The following GUCY1A2 variants were observed in gnomAD, a reference collection of about 807,000 sequenced individuals.
GUCY1A2 encodes guanylate cyclase 1 soluble subunit alpha 2.
In GUCY1A2, 27 loss-of-function variants were observed where a neutral mutation model predicts 63.5. That is an observed-to-expected ratio of 0.43 (90% CI 0.31 to 0.59). GUCY1A2 has a LOEUF of 0.59. GUCY1A2 is among the 20% of genes least tolerant of loss of function. GUCY1A2 has a pLI of 0.11. For synonymous variants in GUCY1A2, 364 were observed against 343.5 expected (o/e 1.06, Z -0.66); for missense variants, 768 against 913.3 (o/e 0.84, Z 2.05).
In GUCY1A2 at chr11:106,674,345, G is replaced by A. The variant is rs989736813; in HGVS notation, c.*13204C>T. The A allele has an allele frequency of 2.2e-5, 4 of 179,260 alleles. No homozygotes were observed. The highest frequency in any genetic ancestry group is 4.8e-5 in the Non-Finnish European group (4 of 83,694). The allele number at this position is 179,260 out of a possible 1,614,324, so 11.1% of individuals were successfully genotyped here. Reference sequence around the variant, plus strand: ...TTACATGAAAATCAAAGAAGATATTGTGGATATTTATAATCTTATATGAGT... The same window carrying A: ...TTACATGAAAATCAAAGAAGATATTATGGATATTTATAATCTTATATGAGT... On this transcript the variant is annotated 3_prime_UTR_variant, in exon 8 of 8. Transcript: ENST00000526355.
In GUCY1A2 at chr11:106,939,836, C is replaced by T; in HGVS notation, c.830G>A (p.Cys277Tyr). The stretch of plus-strand genomic sequence containing the variant: ...ATTGCCTGGGTTTGAAACATCAGAG[C>T]ATAGCTTCTCATTTGCAACCTGTTC... ...EVEQVANEKL[C>Y]SDVSNPGNCS... Residue 277 changes from cysteine to tyrosine, a missense_variant, in exon 4 of 8, where the codon TGC becomes TAC. Transcript: ENST00000526355. 1 of 1,613,804 alleles carries T rather than the reference C, an allele frequency of 6.2e-7. No individual in the cohort carries two copies. Among genetic ancestry groups the T allele is most frequent in the Non-Finnish European group, 8.5e-7 (1 of 1,179,676 alleles).
At chr11:106,905,801 C>T (rs148891760) in intron 4 of GUCY1A2, among the ~76,000 whole-genome samples, 1 of 152,148 alleles carries the variant, frequency 6.6e-6, no homozygotes, top group African/African-American at 2.4e-5. Context: ...TAATGCAGCT[C>T]ATGCTTTTCA....
intron 6 of GUCY1A2, among the ~76,000 whole-genome samples, chr11:106,753,399 TTG>T (rs1863917318): frequency 1.3e-5 from 2 of 152,216 alleles, no homozygotes; most frequent in South Asian, 4.1e-4. Flanking sequence ...ATTTTGGCTT[TTG>T]TTGCCATTGC....
intron 4 of GUCY1A2, among the ~76,000 whole-genome samples, chr11:106,869,491 A>G (rs558272632): frequency 6.6e-6 from 1 of 152,378 alleles, no homozygotes; most frequent in East Asian, 1.9e-4. Context: ...TATGCAGCCA[A>G]CAGACACATG....
intron 3 of GUCY1A2, among the ~76,000 whole-genome samples, chr11:106,965,077 TG>T (rs1257794856): frequency 1.3e-5 from 2 of 151,242 alleles, no homozygotes; most frequent in African/African-American, 4.9e-5. Context: ...CACAGGGTGT[TG>T]TTTTTTTTTT....
intron 4 of GUCY1A2, among the ~76,000 whole-genome samples, chr11:106,890,527 G>A (rs1859959558): frequency 6.6e-6 from 1 of 152,100 alleles, no homozygotes; most frequent in South Asian, 2.1e-4. Context: ...TCACTATTTG[G>A]GAAATTCACG....
chr11:106,706,353 CTGTT>C (rs142888833), intron 7 of GUCY1A2, among the ~76,000 whole-genome samples: 2,286 of 152,106 alleles, frequency 0.015, 56 homozygotes, highest in African/African-American at 0.051. Flanking sequence ...ATCTATGGCT[CTGTT>C]TGATTTTGGG....
chr11:106,885,241 A>G (rs544055312), intron 4 of GUCY1A2, among the ~76,000 whole-genome samples: 40 of 152,320 alleles, frequency 2.6e-4, no homozygotes, highest in Non-Finnish European at 5.0e-4. Flanking sequence ...ATTATTTTGT[A>G]CAATGAATGT....
At chr11:106,803,123 T>G (rs1380349653) in intron 5 of GUCY1A2, among the ~76,000 whole-genome samples, 1 of 152,136 alleles carries the variant, frequency 6.6e-6, no homozygotes, top group Non-Finnish European at 1.5e-5. Flanking sequence ...CTAAAAGAAA[T>G]GTTCTCTGAA....
chr11:106,801,506 C>A (rs1364096337), intron 5 of GUCY1A2, among the ~76,000 whole-genome samples: 1 of 152,092 alleles, frequency 6.6e-6, no homozygotes, highest in Non-Finnish European at 1.5e-5. Flanking sequence ...TGTCCTGATT[C>A]TCCATCTAGG....
chr11:106,687,492 G>T lies in GUCY1A2; in HGVS notation c.*57C>A. The stretch of plus-strand genomic sequence containing the variant: ...ACACAATCTCTTTCCACCCCCCATT[G>T]GTGACCCATGTTCTGGGCTTGTGCT... On this transcript the variant is annotated 3_prime_UTR_variant, in exon 8 of 8. Coordinates refer to ENST00000526355, the MANE Select transcript of GUCY1A2 (RefSeq NM_000855.3). 1 of 1,258,072 alleles carries T rather than the reference G, an allele frequency of 7.9e-7. No homozygotes were observed. The highest frequency in any genetic ancestry group is 1.2e-5 in the South Asian group (1 of 83,094). 77.9% of individuals were successfully genotyped at this position (1,258,072 alleles called of 1,614,324 possible). A position where few individuals can be genotyped will look rare whatever the true frequency, so the allele number is the denominator to read the frequency against.
intron 3 of GUCY1A2, among the ~76,000 whole-genome samples, chr11:106,952,301 AG>A (rs1860920745): frequency 6.6e-6 from 1 of 152,184 alleles, no homozygotes; most frequent in African/African-American, 2.4e-5. Context: ...TGATGTGAAT[AG>A]CATTGAATCT....
chr11:106,707,259 A>G (rs1183046463), intron 7 of GUCY1A2, among the ~76,000 whole-genome samples: 2 of 152,090 alleles, frequency 1.3e-5, no homozygotes, highest in Non-Finnish European at 2.9e-5. Flanking sequence ...TTTCATCTAA[A>G]AACTTTAAAT....
intron 4 of GUCY1A2, among the ~76,000 whole-genome samples, chr11:106,900,338 C>T (rs1021924667): frequency 2.0e-5 from 3 of 152,076 alleles, no homozygotes; most frequent in Non-Finnish European, 4.4e-5. Flanking sequence ...TGCAAGCCCC[C>T]ACACCCAGCT....
rs1862371467 is a variant in GUCY1A2 at position 106,677,838 on chromosome 11, A to G, written c.*9711T>C. ...CTAAGTTGCATTTCATCTGAATCCA[A>G]CTAAATATTTCATACATGTTCATAA... On this transcript the variant is annotated 3_prime_UTR_variant, in exon 8 of 8. Coordinates refer to ENST00000526355, the MANE Select transcript of GUCY1A2 (RefSeq NM_000855.3). 1 of 207,546 alleles carries G rather than the reference A, an allele frequency of 4.8e-6. No homozygotes were observed. The highest frequency in any genetic ancestry group is 1.6e-3 in the Middle Eastern group (1 of 618). The allele number at this position is 207,546 out of a possible 1,614,324, so 12.9% of individuals were successfully genotyped here. A position where few individuals can be genotyped will look rare whatever the true frequency, so the allele number is the denominator to read the frequency against.
intron 4 of GUCY1A2, among the ~76,000 whole-genome samples, chr11:106,836,978 A>C (rs2135440536): frequency 6.6e-6 from 1 of 152,018 alleles, no homozygotes; most frequent in East Asian, 1.9e-4. Context: ...GATGAAACAG[A>C]CTAGTATCTA....
intron 4 of GUCY1A2, chr11:106,824,296 T>C: frequency 2.2e-6 from 1 of 462,434 alleles, no homozygotes; most frequent in Non-Finnish European, 3.5e-6. Flanking sequence ...AAAGTCAGTT[T>C]TCTGATTAGA....
chr11:106,872,918 C>A (rs1462653051), intron 4 of GUCY1A2, among the ~76,000 whole-genome samples: 4 of 152,172 alleles, frequency 2.6e-5, no homozygotes, highest in East Asian at 1.9e-4. Context: ...GTTCCCTCCC[C>A]TCGCCTCCCA....
intron 5 of GUCY1A2, among the ~76,000 whole-genome samples, chr11:106,808,627 A>T (rs1858723589): frequency 7.5e-6 from 1 of 132,990 alleles, no homozygotes; most frequent in East Asian, 2.2e-4. Context: ...ACTTAGGGCT[A>T]AAACAAAACA....
Sources: gnomAD v4.1 joint callset for allele counts (sites outside exome capture counted in the v4.1 genomes callset) on GRCh38, gnomAD v4.1.1 for gene constraint, MANE v1.5 for transcripts, NCBI Gene and HGNC (gene_info 2026-07-23, HGNC 2026-07-21) for gene names.